Variants in CNTNAP2 observed in about 807,000 individuals in gnomAD.
CNTNAP2 encodes the protein contactin associated protein 2, also known as contactin-associated protein-like 2.
A neutral mutation model predicts 155.2 loss-of-function variants in CNTNAP2; 98 were observed. That is an observed-to-expected ratio of 0.63 (90% CI 0.54 to 0.75). CNTNAP2 has a LOEUF of 0.75. Ranked by LOEUF, CNTNAP2 falls within the 30% of genes least tolerant of loss-of-function variation. The pLI is 0.00. For missense variants in CNTNAP2, 1,727 were observed against 1,688.1 expected (o/e 1.02, Z -0.40); for synonymous variants, 651 against 631.2 (o/e 1.03, Z -0.47).
intron 3 of CNTNAP2, among the ~76,000 whole-genome samples, chr7:146,973,844 C>G (rs1797853928): frequency 6.6e-6 from 1 of 152,126 alleles, no homozygotes; most frequent in Non-Finnish European, 1.5e-5. Context: ...GGTGATCCCC[C>G]TTTTCTAAAA....
chr7:148,096,914 A>C (rs1170792018), intron 15 of CNTNAP2, among the ~76,000 whole-genome samples: 1 of 152,176 alleles, frequency 6.6e-6, no homozygotes, highest in African/African-American at 2.4e-5. Flanking sequence ...ACAGGCTCTG[A>C]GTCTGAGGAG....
rs570010707 is a variant in CNTNAP2, at chr7:146,555,625, A to G, written c.98-218646A>G. On this transcript the variant is annotated intron_variant, in intron 1 of 23. Coordinates refer to ENST00000361727, the MANE Select transcript of CNTNAP2 (RefSeq NM_014141.6). The stretch of plus-strand genomic sequence containing the variant: ...TAGACTGTAGGAGAGGTACACTTAT[A>G]TATGTAAACATTTAGAGAACAATAA... Among the ~76,000 whole-genome samples the G allele has an allele frequency of 5.9e-4, 90 of 152,290 alleles. 1 individual carries two copies. Among genetic ancestry groups the G allele is most frequent in the African/African-American group, 2.1e-3 (89 of 41,554 alleles).
intron 13 of CNTNAP2, among the ~76,000 whole-genome samples, chr7:147,717,027 T>C (rs1177377987): frequency 6.6e-6 from 1 of 152,138 alleles, no homozygotes; most frequent in Non-Finnish European, 1.5e-5. Context: ...CTTCTTGGTA[T>C]GTTTCCAAAA....
chr7:148,239,527 G>A (rs1796106979), intron 20 of CNTNAP2, among the ~76,000 whole-genome samples: 1 of 152,118 alleles, frequency 6.6e-6, no homozygotes, highest in Admixed American at 6.5e-5. Context: ...ATGATTGAGA[G>A]ACACATCAAA....
chr7:147,185,296 T>A (rs1310915862), intron 8 of CNTNAP2, among the ~76,000 whole-genome samples: 2 of 152,162 alleles, frequency 1.3e-5, no homozygotes, highest in Non-Finnish European at 2.9e-5. Context: ...AATCATAACA[T>A]CTTTAGATAA....
intron 1 of CNTNAP2, among the ~76,000 whole-genome samples, chr7:146,507,162 A>G (rs1423361960): frequency 6.6e-6 from 1 of 152,156 alleles, no homozygotes; most frequent in Non-Finnish European, 1.5e-5. Context: ...TGTCCACACA[A>G]TGACTGTAGC....
At chr7:147,641,089 G>A (rs1040437481) in intron 13 of CNTNAP2, among the ~76,000 whole-genome samples, 13 of 152,338 alleles carry the variant, frequency 8.5e-5, no homozygotes, top group Middle Eastern at 6.8e-3. Context: ...AGTTTCTAAT[G>A]GCCGGTATTT....
At chr7:146,464,110 G>T (rs1217101010) in intron 1 of CNTNAP2, among the ~76,000 whole-genome samples, 2 of 149,328 alleles carry the variant, frequency 1.3e-5, no homozygotes, top group Non-Finnish European at 1.5e-5. Context: ...TTCATTTTTT[G>T]ACCACAAAAA....
intron 1 of CNTNAP2, among the ~76,000 whole-genome samples, chr7:146,353,875 T>C (rs1266895077): frequency 6.6e-6 from 1 of 152,170 alleles, no homozygotes; most frequent in Non-Finnish European, 1.5e-5. Flanking sequence ...GCAACAAACC[T>C]TTATTTAAAT....
chr7:147,759,497 T>C (rs749723619), intron 13 of CNTNAP2, among the ~76,000 whole-genome samples: 1 of 152,204 alleles, frequency 6.6e-6, no homozygotes, highest in Admixed American at 6.5e-5. Context: ...CTACTATTCA[T>C]TGAAAATCAT....
chr7:148,373,285 G>A (rs1010583159), intron 21 of CNTNAP2, among the ~76,000 whole-genome samples: 1 of 149,448 alleles, frequency 6.7e-6, no homozygotes, highest in African/African-American at 2.5e-5. Flanking sequence ...GTGAAACCCC[G>A]TCTCTACTAA....
At chr7:146,810,279 A>G (rs1180008148) in intron 2 of CNTNAP2, among the ~76,000 whole-genome samples, 1 of 145,096 alleles carries the variant, frequency 6.9e-6, no homozygotes, top group Admixed American at 6.9e-5. Flanking sequence ...GAAATTCGGA[A>G]GTGTGGTTCC....
intron 10 of CNTNAP2, among the ~76,000 whole-genome samples, chr7:147,413,459 A>G (rs1797137124): frequency 1.3e-5 from 2 of 152,332 alleles, no homozygotes; most frequent in East Asian, 1.9e-4. Context: ...AGTTATTTAC[A>G]TGGTAAACAT....
intron 14 of CNTNAP2, among the ~76,000 whole-genome samples, chr7:147,921,357 G>C (rs1014772347): frequency 4.0e-5 from 6 of 151,840 alleles, no homozygotes; most frequent in African/African-American, 1.5e-4. Flanking sequence ...TTAACAATGG[G>C]GTTTTATAGC....
chr7:147,950,694 A>T (rs779288908), intron 14 of CNTNAP2, among the ~76,000 whole-genome samples: 3 of 152,222 alleles, frequency 2.0e-5, no homozygotes, highest in Non-Finnish European at 4.4e-5. Context: ...CCACTTTGGC[A>T]TAAGGATTAT....
chr7:146,263,963 A>C (rs1799957467), intron 1 of CNTNAP2, among the ~76,000 whole-genome samples: 3 of 152,222 alleles, frequency 2.0e-5, no homozygotes, highest in Admixed American at 1.3e-4. Flanking sequence ...TAAATGAAGA[A>C]GTCATTATCA....
chr7:146,787,270 C>T (rs988733971), intron 2 of CNTNAP2, among the ~76,000 whole-genome samples: 24 of 152,202 alleles, frequency 1.6e-4, no homozygotes, highest in Admixed American at 1.2e-3. Flanking sequence ...GTACTGTGTG[C>T]GGAATTGGTG....
intron 1 of CNTNAP2, among the ~76,000 whole-genome samples, chr7:146,736,461 A>G (rs1275914710): frequency 2.0e-5 from 3 of 152,300 alleles, no homozygotes; most frequent in African/African-American, 7.2e-5. Context: ...TTCCTGAACT[A>G]TGTGTTTTAC....
intron 1 of CNTNAP2, among the ~76,000 whole-genome samples, chr7:146,196,900 C>T (rs1405876754): frequency 6.6e-6 from 1 of 152,030 alleles, no homozygotes; most frequent in Non-Finnish European, 1.5e-5. Context: ...ATTTTATTTC[C>T]ACTAATGACA....
Sources: allele counts gnomAD v4.1 joint callset (sites outside exome capture counted in the v4.1 genomes callset), GRCh38; gene constraint gnomAD v4.1.1; transcripts MANE v1.5; gene names NCBI Gene and HGNC (gene_info 2026-07-23, HGNC 2026-07-21).